The following HEATR5B variants were observed in gnomAD, a reference collection of about 807,000 sequenced individuals.
HEATR5B encodes the protein HEAT repeat containing 5B, also known as HEAT repeat-containing protein 5B.
Under a neutral mutation model 224.1 loss-of-function variants are expected in HEATR5B, and 156 were observed. The ratio of observed to expected loss-of-function variants is 0.70; its 90% confidence interval spans 0.61 to 0.80. HEATR5B has a LOEUF of 0.80. HEATR5B is among the 30% of genes least tolerant of loss of function. The pLI is 0.00. For synonymous variants in HEATR5B, 1,027 were observed against 893.0 expected (o/e 1.15, Z -2.68); for missense variants, 2,323 against 2,535.5 (o/e 0.92, Z 1.80).
At chr2:37,023,196 T>C (rs1259203094) in intron 24 of HEATR5B, among the ~76,000 whole-genome samples, 1 of 152,114 alleles carries the variant, frequency 6.6e-6, no homozygotes, top group Non-Finnish European at 1.5e-5. Flanking sequence ...ATAAAATTAA[T>C]AGAGATTAAA....
chr2:37,032,773 C>T lies in HEATR5B; in HGVS notation c.3217G>A (p.Val1073Ile), dbSNP rs750912809. 4 of 1,608,260 alleles carry T rather than the reference C, an allele frequency of 2.5e-6. No homozygotes were observed. Among genetic ancestry groups the T allele is most frequent in the Non-Finnish European group, 3.4e-6 (4 of 1,178,530 alleles). Residue 1073 changes from valine (V) to isoleucine (I), a missense_variant and splice_region_variant, in exon 22 of 36, where the codon GTT (valine) becomes ATT (isoleucine). Physicochemically the swap from Val to Ile is conservative, Grantham distance 29. This residue lies in a region of HEATR5B where 88 missense variants were observed against 86.8 expected (regional missense o/e 1.01). Coordinates refer to ENST00000233099, the MANE Select transcript of HEATR5B (RefSeq NM_019024.3). ...NLSSLVPSLC[V>I]HLCSSHLLLR... ...AACAAATGGGAACTACATAAGTGAACCTGTAAATCATAACAATGTTAGGCG... is the reference window on the plus strand; with the variant it reads ...AACAAATGGGAACTACATAAGTGAATCTGTAAATCATAACAATGTTAGGCG...
intron 33 of HEATR5B, among the ~76,000 whole-genome samples, chr2:36,993,875 T>C (rs535687299): frequency 1.3e-5 from 2 of 151,832 alleles, no homozygotes; most frequent in South Asian, 4.1e-4. Flanking sequence ...TTCTACATAA[T>C]AGATGGCTGG....
At chr2:37,052,749 A>G (rs1280485912) in intron 17 of HEATR5B, among the ~76,000 whole-genome samples, 2 of 152,216 alleles carry the variant, frequency 1.3e-5, no homozygotes, top group South Asian at 2.1e-4. Context: ...ACTGAGACAG[A>G]TGGTGACCAA....
intron 1 of HEATR5B, 116 bp from the exon 2 acceptor site, chr2:37,083,552 T>A (rs1672757699): frequency 1.3e-6 from 1 of 759,024 alleles, no homozygotes; most frequent in Admixed American, 3.0e-5. Context: ...GGGGAAAAAC[T>A]CAACTTCTTT....
chr2:37,083,339 T>C lies in HEATR5B; in HGVS notation c.76A>G (p.Ile26Val). The change falls in exon 2 of 36, where the codon ATC becomes GTC. Residue 26 changes from isoleucine to valine, a missense_variant. This residue lies in a region of HEATR5B where 292 missense variants were observed against 332.6 expected (regional missense o/e 0.88). Coordinates refer to ENST00000233099, the MANE Select transcript of HEATR5B (RefSeq NM_019024.3). ...TCAAGAAATCGCAACCATTCAAAGA[T>C]GAAAACTGGTCTTTTTGCTTCGGTG... The part of the protein sequence containing the change: ...QITEAKRPVF[I>V]FEWLRFLDKV... 1.2e-6 allele frequency: 2 copies of C among 1,614,102 alleles called. No homozygotes were observed. Among genetic ancestry groups the C allele is most frequent in the South Asian group, 2.2e-5 (2 of 91,086 alleles).
chr2:37,012,482 C>T (rs1217709270), intron 27 of HEATR5B, among the ~76,000 whole-genome samples: 1 of 152,094 alleles, frequency 6.6e-6, no homozygotes, highest in East Asian at 1.9e-4. Flanking sequence ...TCTCTGCCTC[C>T]CGGGTTCAAG....
At chr2:36,994,433 G>T (rs1666548493) in intron 33 of HEATR5B, among the ~76,000 whole-genome samples, 1 of 152,106 alleles carries the variant, frequency 6.6e-6, no homozygotes, top group African/African-American at 2.4e-5. Context: ...TTTTGTAACA[G>T]GAAATAGGAT....
chr2:37,052,854 G>A (rs1670645666), intron 17 of HEATR5B, among the ~76,000 whole-genome samples: 1 of 152,152 alleles, frequency 6.6e-6, no homozygotes. Flanking sequence ...GAACAGGACA[G>A]TACAAGATTT....
rs775274574 is a variant in HEATR5B, at chr2:37,041,142, A to G, written c.2847T>C (p.Pro949=). Residue 949 remains proline, a synonymous_variant, in exon 19 of 36, where the codon CCT becomes CCC. Coordinates refer to ENST00000233099, the MANE Select transcript of HEATR5B (RefSeq NM_019024.3). ...LLALAQDGTS[P]EVQTWSLHSL... is the part of the protein sequence containing the mutation. ...ACCAATTATATTATACCTGGACTTC[A>G]GGGGATGTCCCATCTTGTGCTAGAG... 1 of 1,613,384 alleles carries G rather than the reference A, an allele frequency of 6.2e-7. No homozygotes were observed. The highest frequency in any genetic ancestry group is 8.5e-7 in the Non-Finnish European group (1 of 1,179,548).
chr2:37,015,215 T>C (rs760391946), intron 26 of HEATR5B, among the ~76,000 whole-genome samples: 5 of 152,170 alleles, frequency 3.3e-5, no homozygotes, highest in African/African-American at 9.7e-5. Flanking sequence ...GGAAAGTTAA[T>C]TGGGATTAGA....
chr2:37,065,046 A>T, intron 9 of HEATR5B, 56 bp from the exon 10 acceptor site: 1 of 1,519,938 alleles, frequency 6.6e-7, no homozygotes, highest in Non-Finnish European at 9.1e-7. Context: ...GATTTCAGAA[A>T]CTCAAATACT....
intron 22 of HEATR5B, among the ~76,000 whole-genome samples, chr2:37,031,870 C>T (rs1669155055): frequency 6.6e-6 from 1 of 151,896 alleles, no homozygotes; most frequent in Non-Finnish European, 1.5e-5. Context: ...ACCACCTACA[C>T]CTAGATATCA....
rs11675109 is a variant in HEATR5B at position 36,981,336 on chromosome 2, G to A, written c.*154C>T. ...AAAATCACTCCTTAAAAATCAATAA[G>A]TGGTGTGAGCATTATTTCACTTAAC... On this transcript the variant is annotated 3_prime_UTR_variant, in exon 36 of 36. Transcript: ENST00000233099. The A allele has an allele frequency of 0.031, 14,720 of 477,656 alleles. 355 individuals are homozygous for A. Among genetic ancestry groups the A allele is most frequent in the East Asian group, 0.09 (2,686 of 29,886 alleles). The allele number at this position is 477,656 out of a possible 1,614,324, so 29.6% of individuals were successfully genotyped here.
intron 31 of HEATR5B, 112 bp from the exon 32 acceptor site, chr2:37,002,684 T>A: frequency 9.7e-7 from 1 of 1,026,802 alleles, no homozygotes; most frequent in Non-Finnish European, 1.4e-6. Context: ...TGTCAAATAA[T>A]GTCACACGTC....
chr2:37,075,087 C>T (rs921944553), intron 5 of HEATR5B, among the ~76,000 whole-genome samples: 1 of 152,180 alleles, frequency 6.6e-6, no homozygotes, highest in African/African-American at 2.4e-5. Flanking sequence ...GAAATGAAAG[C>T]ATATGTTTGT....
intron 26 of HEATR5B, among the ~76,000 whole-genome samples, chr2:37,014,903 G>A (rs544762806): frequency 6.6e-6 from 1 of 151,938 alleles, no homozygotes; most frequent in South Asian, 2.1e-4. Flanking sequence ...GAATCGCTAG[G>A]GAGCCAGAGG....
At chr2:37,024,783 C>G (rs1259734953) in intron 24 of HEATR5B, among the ~76,000 whole-genome samples, 1 of 152,190 alleles carries the variant, frequency 6.6e-6, no homozygotes, top group Non-Finnish European at 1.5e-5. Flanking sequence ...CTATATCAAT[C>G]TACCAAACCA....
chr2:37,020,607 T>C (rs1486495835), intron 25 of HEATR5B, 48 bp downstream of exon 25: 2 of 1,389,804 alleles, frequency 1.4e-6, no homozygotes, highest in South Asian at 1.5e-5. Context: ...TCTTCAGCAA[T>C]CTTTCAAAAG....
chr2:37,015,268 C>A lies in HEATR5B; in HGVS notation c.4105-1248G>T, dbSNP rs548838722. On this transcript the variant is annotated intron_variant, in intron 26 of 35. Transcript: ENST00000233099. The stretch of plus-strand genomic sequence containing the variant: ...TTCCATGGAAAATGAATTTAGACTT[C>A]ATTCTGTAAGCAATTGTGAGTTTCC... Among the ~76,000 whole-genome samples, 15 of 152,290 alleles carry A rather than the reference C, an allele frequency of 9.8e-5. No individual in the cohort carries two copies. The East Asian group carries it at 2.7e-3, about 27-fold the overall frequency.
Sources: allele counts gnomAD v4.1 joint callset (sites outside exome capture counted in the v4.1 genomes callset), GRCh38; gene constraint gnomAD v4.1.1; regional missense constraint gnomAD v4.1.1; transcripts MANE v1.5; gene names NCBI Gene and HGNC (gene_info 2026-07-23, HGNC 2026-07-21).